Variants in DENND2B observed in about 807,000 individuals in gnomAD.
DENND2B encodes the protein DENN domain containing 2B.
A neutral mutation model predicts 116.0 loss-of-function variants in DENND2B; 32 were observed. The ratio of observed to expected loss-of-function variants is 0.28; its 90% CI spans 0.21 to 0.37. DENND2B has a LOEUF of 0.37. DENND2B is among the 10% of genes least tolerant of loss of function. DENND2B has a pLI of 1.00. For missense variants in DENND2B, 1,276 were observed against 1,477.7 expected, an observed-to-expected ratio of 0.86 and a Z score of 2.24; for synonymous variants, 588 against 583.9, an observed-to-expected ratio of 1.01 and a Z score of -0.10.
At chr11:8,758,841 C>G (rs1042832539) in intron 1 of DENND2B, among the ~76,000 whole-genome samples, 1 of 152,180 alleles carries the variant, frequency 6.6e-6, no homozygotes, top group African/African-American at 2.4e-5. Context: ...AGTGTCGCAG[C>G]TCTCTAGCCT....
intron 4 of DENND2B, among the ~76,000 whole-genome samples, chr11:8,723,499 G>A (rs975111051): frequency 1.3e-5 from 2 of 152,062 alleles, no homozygotes; most frequent in East Asian, 1.9e-4. Flanking sequence ...GAAAGAGGAG[G>A]GCAAGTGTGT....
chr11:8,791,059 AGC>A (rs1393400245), intron 1 of DENND2B, among the ~76,000 whole-genome samples: 2 of 152,184 alleles, frequency 1.3e-5, no homozygotes, highest in African/African-American at 4.8e-5. Context: ...TTCCCAAAGC[AGC>A]TCCATTTCCT....
At chr11:8,858,903 G>C (rs527816226) in intron 2 of DENND2B, among the ~76,000 whole-genome samples, 10 of 152,212 alleles carry the variant, frequency 6.6e-5, no homozygotes, top group Non-Finnish European at 1.3e-4. Flanking sequence ...TGGAAGGCTA[G>C]ATTAGTGCAC....
chr11:8,857,760 C>T (rs994537339), intron 2 of DENND2B, among the ~76,000 whole-genome samples: 2 of 152,214 alleles, frequency 1.3e-5, no homozygotes, highest in Non-Finnish European at 2.9e-5. Flanking sequence ...GGATGCCAGA[C>T]GTGGTTCTGA....
intron 1 of DENND2B, among the ~76,000 whole-genome samples, chr11:8,904,924 C>T (rs192368465): frequency 3.2e-4 from 48 of 152,234 alleles, no homozygotes; most frequent in Non-Finnish European, 5.6e-4. Context: ...AATGGACAGA[C>T]ATTCCATGTT....
intron 4 of DENND2B, among the ~76,000 whole-genome samples, chr11:8,828,213 C>T (rs570340020): frequency 9.2e-5 from 14 of 152,308 alleles, no homozygotes; most frequent in East Asian, 5.8e-4. Flanking sequence ...ACCAGACAGA[C>T]GCTGAGAACC....
intron 11 of DENND2B, chr11:8,708,063 A>G: frequency 6.7e-7 from 1 of 1,487,148 alleles, no homozygotes; most frequent in Non-Finnish European, 8.9e-7. Context: ...AGGGTCTCCC[A>G]GCACCAGGTA....
chr11:8,840,556 C>T (rs1284477370), intron 3 of DENND2B, among the ~76,000 whole-genome samples: 2 of 152,192 alleles, frequency 1.3e-5, no homozygotes, highest in South Asian at 4.1e-4. Flanking sequence ...TCTGTGCCTT[C>T]TCCTGTAGAT....
chr11:8,707,101 G>T lies in DENND2B; in HGVS notation c.2555C>A (p.Pro852Gln). The T allele has an allele frequency of 6.2e-7, 1 of 1,613,374 alleles. No homozygotes were observed. The highest frequency in any genetic ancestry group is 1.1e-5 in the South Asian group (1 of 90,854). The change falls in exon 13 of 20, where the codon CCA becomes CAA. Residue 852 changes from proline (P) to glutamine (Q), a missense_variant. Physicochemically the swap from Pro to Gln is moderately conservative, Grantham distance 76. Transcript: ENST00000313726. The surrounding 1 kb of genome is among the most constrained non-coding windows in gnomAD (Gnocchi z 4.8). Reference protein sequence around the residue: ...GKTIKVKTFLPGAGNEVLELR... With the variant: ...GKTIKVKTFLQGAGNEVLELR... ...AATCCCTACCTCATTGCCAGCACCT[G>T]GCAGGAATGTCTTCACTTTGATGGT...
At chr11:8,902,056 G>C (rs529908061) in intron 1 of DENND2B, among the ~76,000 whole-genome samples, 1 of 152,090 alleles carries the variant, frequency 6.6e-6, no homozygotes, top group African/African-American at 2.4e-5. Context: ...GGCTGGGCAC[G>C]GTGGCTCATG....
At chr11:8,732,652 A>C (rs2133938986) in intron 2 of DENND2B, among the ~76,000 whole-genome samples, 1 of 152,358 alleles carries the variant, frequency 6.6e-6, no homozygotes, top group South Asian at 2.1e-4. Flanking sequence ...AGGAAGGGAA[A>C]GGTGAGCTTA....
At position 8,758,100 on chromosome 11, in the gene DENND2B, G is replaced by A. The variant is rs541213978; in HGVS notation, c.-25-7375C>T. Among the ~76,000 whole-genome samples the A allele has an allele frequency of 7.2e-5, 11 of 152,192 alleles. No homozygotes were observed. The South Asian group carries it at 1.9e-3, about 26-fold the overall frequency. On this transcript the variant is annotated intron_variant, in intron 1 of 19. Transcript: ENST00000313726. ...ACTGAACGGGAATCTGTGGGGATGG[G>A]GCCTAGGAATCTGCATTTTAGTAAG... is the stretch of plus-strand genomic sequence containing the variant.
chr11:8,716,331 G>A (rs2044776059), intron 5 of DENND2B, among the ~76,000 whole-genome samples: 1 of 152,174 alleles, frequency 6.6e-6, no homozygotes, highest in Non-Finnish European at 1.5e-5. Flanking sequence ...ACCAAAGCTG[G>A]GCCAGGCAGG....
At position 8,712,552 on chromosome 11, in the gene DENND2B, T is replaced by C. The variant is rs371144442; in HGVS notation, c.2171A>G (p.Lys724Arg). 145 of 1,551,562 alleles carry C rather than the reference T, an allele frequency of 9.3e-5. No homozygotes were observed. The highest frequency in any genetic ancestry group is 1.1e-4 in the Non-Finnish European group (130 of 1,146,812). Residue 724 changes from lysine (K) to arginine (R), a missense_variant and splice_region_variant, in exon 9 of 20, where the codon AAG becomes AGG. Transcript: ENST00000313726. This position sits in a 1 kb window ranked among gnomAD's most constrained non-coding sequence, Gnocchi z 4.4. ...YLPEVSYQFP[K>R]LDRPTKQMRE... The stretch of plus-strand genomic sequence containing the variant: ...AGGTGGGGAGAGAGAAGGCCTCACC[T>C]TGGGAAACTGGTAGGAGACTTCGGG...
intron 1 of DENND2B, among the ~76,000 whole-genome samples, chr11:8,780,044 T>G (rs1349151400): frequency 1.3e-5 from 2 of 152,206 alleles, no homozygotes; most frequent in African/African-American, 4.8e-5. Flanking sequence ...CTTTTCTCGC[T>G]AGAGCAGGAG....
chr11:8,832,133 A>T (rs1226220716), intron 4 of DENND2B, among the ~76,000 whole-genome samples: 4 of 152,136 alleles, frequency 2.6e-5, no homozygotes, highest in Admixed American at 2.0e-4. Context: ...GCGAGACAGG[A>T]AAGCAAGTTG....
intron 14 of DENND2B, among the ~76,000 whole-genome samples, chr11:8,700,812 AAAATTTTT>A (rs1317784570): frequency 6.6e-5 from 10 of 152,126 alleles, no homozygotes; most frequent in African/African-American, 2.4e-4. Context: ...TTTTTTTAAA[AAAATTTTT>A]AAATTTTTAT....
At chr11:8,843,471 T>C (rs2062698385) in intron 3 of DENND2B, among the ~76,000 whole-genome samples, 2 of 152,104 alleles carry the variant, frequency 1.3e-5, no homozygotes, top group African/African-American at 4.8e-5. Context: ...TCTAGCAGAA[T>C]GTAAATAAGA....
intron 4 of DENND2B, chr11:8,832,451 CAAAAAAA>C (rs10715263): frequency 2.0e-5 from 2 of 100,660 alleles, no homozygotes; most frequent in Non-Finnish European, 2.1e-5. Context: ...ACTCTGTCTC[CAAAAAAA>C]AAAAAAAAAA....
Sources: gnomAD v4.1 joint callset for allele counts (sites outside exome capture counted in the v4.1 genomes callset) on GRCh38, gnomAD v4.1.1 for gene constraint, Gnocchi (gnomAD v3.1) non-coding constraint, MANE v1.5 for transcripts, NCBI Gene and HGNC (gene_info 2026-07-23, HGNC 2026-07-21) for gene names.